The following MIER3 variants were observed in gnomAD, a reference collection of about 807,000 sequenced individuals.
MIER3 encodes the protein mesoderm induction early response protein 3.
A neutral mutation model predicts 63.2 loss-of-function variants in MIER3; 9 were observed. The observed-to-expected ratio is 0.14, with a 90% CI of 0.09 to 0.25. MIER3 has a LOEUF of 0.25. Ranked by LOEUF, MIER3 falls within the 10% of genes least tolerant of loss-of-function variation. The pLI is 1.00. For missense variants in MIER3, 512 were observed against 666.2 expected, an observed-to-expected ratio of 0.77 and a Z score of 2.55; for synonymous variants, 205 against 224.9, an observed-to-expected ratio of 0.91 and a Z score of 0.79.
intron 10 of MIER3, chr5:56,925,319 G>A: frequency 2.2e-6 from 1 of 454,354 alleles, no homozygotes; most frequent in South Asian, 1.6e-5. Context: ...AAATAAAACT[G>A]TCTCTGTTTA....
chr5:56,925,228 T>A, intron 10 of MIER3: 1 of 347,174 alleles, frequency 2.9e-6, no homozygotes, highest in Non-Finnish European at 5.6e-6. Flanking sequence ...AGTGTGAAAT[T>A]TTCAACATCA....
chr5:56,947,177 G>T (rs1657067531), intron 2 of MIER3, 106 bp from the exon 3 acceptor site: 1 of 1,078,254 alleles, frequency 9.3e-7, no homozygotes, highest in Non-Finnish European at 1.3e-6. Context: ...TTATATGAGG[G>T]TTTTACTAAA....
chr5:56,951,728 C>A (rs942208659), intron 1 of MIER3, among the ~76,000 whole-genome samples: 15 of 138,474 alleles, frequency 1.1e-4, no homozygotes, highest in Non-Finnish European at 2.3e-4. Flanking sequence ...TCCACCCACC[C>A]GGGCCCGGGG....
At chr5:56,946,676 A>C (rs1750832865) in intron 3 of MIER3, among the ~76,000 whole-genome samples, 1 of 152,102 alleles carries the variant, frequency 6.6e-6, no homozygotes, top group South Asian at 2.1e-4. Context: ...TCCGTATCTC[A>C]ATTTTCTCAT....
rs528038541 is a variant in MIER3 at position 56,923,865 on chromosome 5, A to G, written c.1053-32T>C. 8 of 1,614,048 alleles carry G rather than the reference A, an allele frequency of 5.0e-6. No individual in the cohort carries two copies. In the East Asian group the frequency reaches 1.1e-4, roughly 22 times the overall value. ...AACACACCCCAGTAATTTTATGACTATATATTACAGTTAAAAGTAAGTCTT... is the reference window on the plus strand; with the variant it reads ...AACACACCCCAGTAATTTTATGACTGTATATTACAGTTAAAAGTAAGTCTT... On this transcript the variant is annotated intron_variant, in intron 11 of 12. Coordinates refer to ENST00000381199, the MANE Select transcript of MIER3 (RefSeq NM_001297599.2).
rs912112646 is a variant in MIER3 at position 56,922,956 on chromosome 5, G to C, written c.*172C>G. 3.4e-5 allele frequency: 21 copies of C among 616,526 alleles called. No individual in the cohort carries two copies. The highest frequency in any genetic ancestry group is 5.6e-5 in the Non-Finnish European group (20 of 355,638). 38.2% of individuals were successfully genotyped at this position (616,526 alleles called of 1,614,324 possible). A position where few individuals can be genotyped will look rare whatever the true frequency, so the allele number is the denominator to read the frequency against. On this transcript the variant is annotated 3_prime_UTR_variant, in exon 13 of 13. Transcript: ENST00000381199. ...GATCATAGTTCATTTCCACATTTAT[G>C]GATTGAAAAATGAAAATACTCTTGA...
At chr5:56,934,191 A>G (rs181358035) in intron 7 of MIER3, among the ~76,000 whole-genome samples, 1 of 152,242 alleles carries the variant, frequency 6.6e-6, no homozygotes, top group Non-Finnish European at 1.5e-5. Flanking sequence ...AAAATAATTT[A>G]CCGAGAACAC....
At chr5:56,930,598 T>A (rs1472293340) in intron 9 of MIER3, 66 bp downstream of exon 9, 5 of 1,315,042 alleles carry the variant, frequency 3.8e-6, no homozygotes, top group Non-Finnish European at 5.5e-6. Context: ...TAGGATACTT[T>A]GCTTATTCTG....
chr5:56,945,443 A>G (rs1030549685), intron 3 of MIER3, among the ~76,000 whole-genome samples: 1 of 152,114 alleles, frequency 6.6e-6, no homozygotes, highest in Admixed American at 6.5e-5. Flanking sequence ...AGCCTGCGCA[A>G]TGGAGCAAGT....
At chr5:56,942,736 CTTAAA>C (rs1750689747) in intron 3 of MIER3, among the ~76,000 whole-genome samples, 1 of 152,170 alleles carries the variant, frequency 6.6e-6, no homozygotes, top group Non-Finnish European at 1.5e-5. Context: ...AGTAGGATTA[CTTAAA>C]TTAAGGCAGA....
rs141052193 is a variant in MIER3 at position 56,938,925 on chromosome 5, T to C, written c.273A>G (p.Pro91=). 5.6e-6 allele frequency: 9 copies of C among 1,614,052 alleles called. No individual in the cohort carries two copies. Among genetic ancestry groups the C allele is most frequent in the Non-Finnish European group, 7.6e-6 (9 of 1,180,010 alleles). ...AVANSSANSS[P]SELADELPDM... is the part of the protein sequence containing the mutation. ...CTGGTAGTTCATCTGCCAGTTCACTTGGGGAACTATTTGCACTGGAATTTG... is the reference window on the plus strand; with the variant it reads ...CTGGTAGTTCATCTGCCAGTTCACTCGGGGAACTATTTGCACTGGAATTTG... The change falls in exon 4 of 13, where the codon CCA becomes CCG. Residue 91 remains proline, a synonymous_variant. Coordinates refer to ENST00000381199, the MANE Select transcript of MIER3 (RefSeq NM_001297599.2).
At chr5:56,931,677 G>A (rs1443063103) in intron 8 of MIER3, among the ~76,000 whole-genome samples, 1 of 152,074 alleles carries the variant, frequency 6.6e-6, no homozygotes, top group African/African-American at 2.4e-5. Flanking sequence ...AACCTTAGAT[G>A]TATTACTTCC....
In MIER3 at chr5:56,935,455, G is replaced by C. The variant is rs139766952; in HGVS notation, c.568C>G (p.Leu190Val). The change falls in exon 7 of 13, where the codon CTT becomes GTT. Residue 190 changes from leucine to valine, a missense_variant. By Grantham distance (32) the Leu-to-Val change is conservative (BLOSUM62 1). Coordinates refer to ENST00000381199, the MANE Select transcript of MIER3 (RefSeq NM_001297599.2). ...TTCTCATTACCATCGTACTCTCCAA[G>C]ATAAGGGGGAATCTCTGCCTGATAT... is the stretch of plus-strand genomic sequence containing the variant. ...LQYQAEIPPY[L>V]GEYDGNEKVY... The C allele has an allele frequency of 7.5e-5, 119 of 1,595,826 alleles. No individual in the cohort carries two copies. The African/African-American group carries it at 1.4e-3, about 19-fold the overall frequency.
intron 7 of MIER3, among the ~76,000 whole-genome samples, chr5:56,933,608 G>C (rs1750348242): frequency 6.6e-6 from 1 of 152,204 alleles, no homozygotes; most frequent in African/African-American, 2.4e-5. Context: ...AGGGGCCAAA[G>C]CAAGTAGCTT....
In MIER3 at chr5:56,921,822, T is replaced by A. The variant is rs1273880316; in HGVS notation, c.*1306A>T. The A allele has an allele frequency of 1.3e-5, 2 of 152,652 alleles. No homozygotes were observed. The highest frequency in any genetic ancestry group is 4.8e-5 in the African/African-American group (2 of 41,460). 9.5% of individuals were successfully genotyped at this position (152,652 alleles called of 1,614,324 possible). On this transcript the variant is annotated 3_prime_UTR_variant, in exon 13 of 13. Coordinates refer to ENST00000381199, the MANE Select transcript of MIER3 (RefSeq NM_001297599.2). ...TTAACAGTACTACAAAAGCAAAGAT[T>A]ACATCCTAATACTGTATTACATATT...
chr5:56,935,391 T>C (rs747348433), intron 7 of MIER3, 37 bp downstream of exon 7: 1 of 1,470,828 alleles, frequency 6.8e-7, no homozygotes, highest in Admixed American at 2.2e-5. Flanking sequence ...GGTAACCTTA[T>C]CTACCAAACA....
At chr5:56,938,039 T>C (rs958531497) in intron 4 of MIER3, among the ~76,000 whole-genome samples, 1 of 152,154 alleles carries the variant, frequency 6.6e-6, no homozygotes, top group Admixed American at 6.5e-5. Context: ...ATTCATTTTC[T>C]GTCAATAATA....
intron 2 of MIER3, among the ~76,000 whole-genome samples, chr5:56,948,120 AT>A (rs1428034242): frequency 2.6e-5 from 4 of 152,340 alleles, no homozygotes; most frequent in Admixed American, 6.5e-5. Flanking sequence ...ATATTTTAAA[AT>A]TTCAAACATT....
In MIER3 at chr5:56,937,653, G is replaced by A. The variant is rs1206897053; in HGVS notation, c.361C>T (p.Gln121Ter). ...GGCGTCAGATCATCCGCAGAAGACT[G>A]AGTTTCCTCGTCATCACCTGACAAC... ...DLLSGDDEETQSSADDLTPSV... is the reference protein window; with the variant it reads ...DLLSGDDEET The change falls in exon 5 of 13, where the codon CAG becomes TAG. Residue 121 changes from glutamine (Q) to a stop codon, truncating the protein, a stop_gained. Transcript: ENST00000381199. LOFTEE classifies it high-confidence loss of function. The A allele has an allele frequency of 6.2e-7, 1 of 1,612,152 alleles. No homozygotes were observed. The highest frequency in any genetic ancestry group is 1.7e-5 in the Admixed American group (1 of 59,744).
Sources: gnomAD v4.1 joint callset for allele counts (sites outside exome capture counted in the v4.1 genomes callset) on GRCh38, gnomAD v4.1.1 for gene constraint, MANE v1.5 for transcripts, NCBI Gene and HGNC (gene_info 2026-07-23, HGNC 2026-07-21) for gene names.